Variants in CAPN13 observed in about 807,000 individuals in gnomAD.
CAPN13 encodes the protein calpain-13.
Under a neutral mutation model 98.4 loss-of-function variants are expected in CAPN13, and 90 were observed. That is an observed-to-expected ratio of 0.92 (90% CI 0.77 to 1.09). The LOEUF is 1.09. Ranked by LOEUF, CAPN13 falls within the 50% of genes least tolerant of loss-of-function variation. The pLI is 0.00. For missense variants in CAPN13, 887 were observed against 841.3 expected (o/e 1.05, Z -0.67); for synonymous variants, 330 against 305.5 (o/e 1.08, Z -0.84).
At chr2:30,781,670 C>T (rs972656068) in intron 2 of CAPN13, among the ~76,000 whole-genome samples, 4 of 152,120 alleles carry the variant, frequency 2.6e-5, no homozygotes, top group Non-Finnish European at 5.9e-5. Flanking sequence ...GGTTCTCTGG[C>T]CTCCCACTCA....
chr2:30,745,569 G>GT (rs1671864060), intron 12 of CAPN13, among the ~76,000 whole-genome samples, 154 bp downstream of exon 12: 1 of 152,200 alleles, frequency 6.6e-6, no homozygotes. Context: ...TTGTGAACCT[G>GT]TTTGGGGATT....
intron 7 of CAPN13, among the ~76,000 whole-genome samples, chr2:30,760,496 G>T (rs1308045576): frequency 6.6e-6 from 1 of 152,170 alleles, no homozygotes; most frequent in Non-Finnish European, 1.5e-5. Flanking sequence ...GCTAAACGAG[G>T]CATGCAGATA....
At chr2:30,795,732 T>C (rs1455948065) in intron 1 of CAPN13, among the ~76,000 whole-genome samples, 2 of 152,138 alleles carry the variant, frequency 1.3e-5, no homozygotes, top group Non-Finnish European at 2.9e-5. Flanking sequence ...CAGTGTCTTT[T>C]GATGAACATC....
chr2:30,728,019 G>T (rs1188731530), intron 22 of CAPN13, among the ~76,000 whole-genome samples: 1 of 151,820 alleles, frequency 6.6e-6, no homozygotes, highest in Non-Finnish European at 1.5e-5. Flanking sequence ...GATGAATCCT[G>T]ACAGCATTAC....
At chr2:30,806,554 G>A (rs17010353) in intron 1 of CAPN13, among the ~76,000 whole-genome samples, 2,989 of 152,192 alleles carry the variant, frequency 0.02, 90 homozygotes, top group African/African-American at 0.068. Flanking sequence ...AGGACAAATG[G>A]GACAGTCAGT....
At chr2:30,786,934 G>A (rs1476985091) in intron 2 of CAPN13, among the ~76,000 whole-genome samples, 194 bp downstream of exon 2, 1 of 152,318 alleles carries the variant, frequency 6.6e-6, no homozygotes, top group African/African-American at 2.4e-5. Context: ...TTAGAACTCA[G>A]GAGTCTGGGC....
intron 15 of CAPN13, among the ~76,000 whole-genome samples, chr2:30,738,851 A>G (rs572318105): frequency 4.1e-5 from 6 of 144,690 alleles, no homozygotes; most frequent in Admixed American, 6.8e-5. Context: ...AGGAAAAACT[A>G]TGACTACTGT....
chr2:30,805,646 C>T (rs1353125469), intron 1 of CAPN13, among the ~76,000 whole-genome samples: 8 of 151,774 alleles, frequency 5.3e-5, no homozygotes, highest in Non-Finnish European at 5.9e-5. Flanking sequence ...ACTGGGACCC[C>T]CAAGAGGTTA....
chr2:30,742,159 C>G (rs1485750364), intron 14 of CAPN13, among the ~76,000 whole-genome samples, 167 bp downstream of exon 14: 1 of 152,190 alleles, frequency 6.6e-6, no homozygotes, highest in Non-Finnish European at 1.5e-5. Context: ...GCCTTGGAGG[C>G]CTGGTCTTCT....
At chr2:30,734,216 A>AAT (rs1192907719) in intron 19 of CAPN13, among the ~76,000 whole-genome samples, 5 of 152,110 alleles carry the variant, frequency 3.3e-5, no homozygotes, top group Admixed American at 3.3e-4. Context: ...GCTGGGGAGG[A>AAT]AAGACATCTG....
chr2:30,803,150 G>A (rs1026930141), intron 1 of CAPN13, among the ~76,000 whole-genome samples: 3 of 152,216 alleles, frequency 2.0e-5, no homozygotes, highest in African/African-American at 7.2e-5. Flanking sequence ...CAGCTGGTTG[G>A]CTGCCACGTC....
At chr2:30,751,683 A>G (rs1010880157) in intron 10 of CAPN13, among the ~76,000 whole-genome samples, 1 of 152,204 alleles carries the variant, frequency 6.6e-6, no homozygotes, top group Admixed American at 6.5e-5. Flanking sequence ...ATGCTTATCA[A>G]AGCCAGAATA....
chr2:30,801,353 T>A (rs981655998), intron 1 of CAPN13, among the ~76,000 whole-genome samples: 2 of 152,014 alleles, frequency 1.3e-5, no homozygotes, highest in Non-Finnish European at 2.9e-5. Context: ...CGGTGGCTCA[T>A]GATTGTAATC....
At chr2:30,756,746 A>G (rs1425338405) in intron 8 of CAPN13, among the ~76,000 whole-genome samples, 1 of 152,168 alleles carries the variant, frequency 6.6e-6, no homozygotes, top group Non-Finnish European at 1.5e-5. Context: ...TACACCTGGG[A>G]AGGAAGAAAG....
At chr2:30,754,157 GA>G in intron 9 of CAPN13, 132 bp downstream of exon 9, 1 of 579,076 alleles carries the variant, frequency 1.7e-6, no homozygotes, top group Non-Finnish European at 2.7e-6. Flanking sequence ...TCTTGGTAGA[GA>G]AAATAGGCTC....
intron 1 of CAPN13, among the ~76,000 whole-genome samples, chr2:30,802,492 T>C (rs1675343065): frequency 7.1e-6 from 1 of 141,650 alleles, no homozygotes; most frequent in Non-Finnish European, 1.5e-5. Flanking sequence ...TGTGTGTAAA[T>C]GTGAATGTAA....
chr2:30,746,105 G>A (rs1671898130), intron 11 of CAPN13, among the ~76,000 whole-genome samples: 1 of 151,938 alleles, frequency 6.6e-6, no homozygotes, highest in Non-Finnish European at 1.5e-5. Flanking sequence ...CACCGTGTTG[G>A]TCAGGCTGGT....
rs532131692 is a variant in CAPN13, at chr2:30,745,083, C to A, written c.1248+640G>T. Among the ~76,000 whole-genome samples the A allele has an allele frequency of 1.1e-4, 16 of 152,250 alleles. No homozygotes were observed. In the East Asian group the frequency reaches 3.1e-3, roughly 29 times the overall value. On this transcript the variant is annotated intron_variant, in intron 12 of 22. Coordinates refer to ENST00000295055, the MANE Select transcript of CAPN13 (RefSeq NM_144575.3). ...TGTTGTCTGTGGCCACATCTTGCTC[C>A]TCTCTTTCATCTGTGGTCCCCAGGC...
intron 2 of CAPN13, among the ~76,000 whole-genome samples, chr2:30,778,289 A>G (rs190406044): frequency 5.3e-5 from 8 of 152,272 alleles, no homozygotes; most frequent in African/African-American, 1.9e-4. Context: ...GACAGTGGTT[A>G]TGGAGGATTC....
Sources: gnomAD v4.1 joint callset for allele counts (sites outside exome capture counted in the v4.1 genomes callset) on GRCh38, gnomAD v4.1.1 for gene constraint, MANE v1.5 for transcripts, NCBI Gene and HGNC (gene_info 2026-07-23, HGNC 2026-07-21) for gene names.